Variants in PIK3CG observed in about 807,000 individuals in gnomAD.
PIK3CG encodes the protein phosphatidylinositol-4,5-bisphosphate 3-kinase catalytic subunit gamma, also known as phosphatidylinositol 4,5-bisphosphate 3-kinase catalytic subunit gamma isoform.
In PIK3CG, 55 loss-of-function variants were observed where a neutral mutation model predicts 102.3. That is an observed-to-expected ratio of 0.54 (90% CI 0.43 to 0.67). PIK3CG has a LOEUF of 0.67. PIK3CG is among the 30% of genes least tolerant of loss of function. PIK3CG has a pLI of 0.00. For synonymous variants in PIK3CG, 552 were observed against 540.0 expected (o/e 1.02, Z -0.31); for missense variants, 1,258 against 1,391.8 (o/e 0.90, Z 1.53).
At chr7:106,885,694 T>A (rs1791066244) in intron 9 of PIK3CG, among the ~76,000 whole-genome samples, 1 of 152,116 alleles carries the variant, frequency 6.6e-6, no homozygotes, top group Non-Finnish European at 1.5e-5. Flanking sequence ...TCAGATGAGC[T>A]TAGATACATT....
In PIK3CG at chr7:106,880,174, A is replaced by G. The variant is rs534676883; in HGVS notation, c.2538+509A>G. Among the ~76,000 whole-genome samples, 2 of 152,354 alleles carry G rather than the reference A, an allele frequency of 1.3e-5. No homozygotes were observed. Among genetic ancestry groups the G allele is most frequent in the Non-Finnish European group, 2.9e-5 (2 of 68,028 alleles). Reference sequence around the variant, plus strand: ...TGAAGTACTGTTAGGGCAGAAGGTGAATGGTCAATATATCAGTGCTAATTA... The same window carrying G: ...TGAAGTACTGTTAGGGCAGAAGGTGGATGGTCAATATATCAGTGCTAATTA... On this transcript the variant is annotated intron_variant, in intron 6 of 10. Coordinates refer to ENST00000496166, the MANE Select transcript of PIK3CG (RefSeq NM_001282426.2). This position sits in a 1 kb window ranked among gnomAD's most constrained non-coding sequence, Gnocchi z 4.2.
At chr7:106,889,456 T>C (rs1165737764) in intron 10 of PIK3CG, among the ~76,000 whole-genome samples, 1 of 152,218 alleles carries the variant, frequency 6.6e-6, no homozygotes, top group African/African-American at 2.4e-5. Flanking sequence ...ACCACATCTC[T>C]AAATTCTCCA....
Position 106,868,886 on chromosome 7 carries a change from C to T in PIK3CG, c.1325C>T (p.Ser442Phe), listed in dbSNP as rs17847825. The T allele has an allele frequency of 6.2e-7, 1 of 1,613,992 alleles. No homozygotes were observed. Among genetic ancestry groups the T allele is most frequent in the African/African-American group, 1.3e-5 (1 of 74,948 alleles). ...QIYCGKAPAL[S>F]SKASAESPSS... ...TACTGCGGTAAAGCTCCAGCACTGTCCAGCAAGGCCTCTGCAGAGTCCCCC... is the reference window on the plus strand; with the variant it reads ...TACTGCGGTAAAGCTCCAGCACTGTTCAGCAAGGCCTCTGCAGAGTCCCCC... The change falls in exon 2 of 11, where the codon TCC becomes TTC. Residue 442 changes from serine to phenylalanine, a missense_variant. Ser to Phe is a radical substitution (Grantham distance 155). This residue lies in a region of PIK3CG where 832 missense variants were observed against 787.5 expected (regional missense o/e 1.06). Transcript: ENST00000496166. The surrounding 1 kb of genome is among the most constrained non-coding windows in gnomAD (Gnocchi z 6.2).
chr7:106,902,250 G>A lies in PIK3CG; in HGVS notation c.3031-2859G>A, dbSNP rs1168388676. On this transcript the variant is annotated intron_variant, in intron 10 of 10. Coordinates refer to ENST00000496166, the MANE Select transcript of PIK3CG (RefSeq NM_001282426.2). This position sits in a 1 kb window ranked among gnomAD's most constrained non-coding sequence, Gnocchi z 4.3. Reference sequence around the variant, plus strand: ...GCCCAAGCCAGGGGTTTCCTGTCTTGTGTCAAGCAATGCGGGGGGTGTGTG... The same window carrying A: ...GCCCAAGCCAGGGGTTTCCTGTCTTATGTCAAGCAATGCGGGGGGTGTGTG... Among the ~76,000 whole-genome samples, 3 of 52,878 alleles carry A rather than the reference G, an allele frequency of 5.7e-5. No homozygotes were observed. The highest frequency in any genetic ancestry group is 1.4e-4 in the Non-Finnish European group (3 of 21,154). The allele number at this position is 52,878 out of a possible 152,430, so 34.7% of individuals were successfully genotyped here.
intron 2 of PIK3CG, among the ~76,000 whole-genome samples, chr7:106,870,764 G>A (rs1317859579): frequency 6.6e-6 from 1 of 152,150 alleles, no homozygotes; most frequent in East Asian, 1.9e-4. Flanking sequence ...ATTTTGGATA[G>A]CCTCAACTTA....
rs1215023682 is a variant in PIK3CG at position 106,908,914 on chromosome 7, C to T, written c.*3527C>T. ...CTTGTATTTTTAAGTGTTCTGTTGG[C>T]TTATTTTCTGTTTCATCCAACTCAA... On this transcript the variant is annotated 3_prime_UTR_variant, in exon 11 of 11. Coordinates refer to ENST00000496166, the MANE Select transcript of PIK3CG (RefSeq NM_001282426.2). This position sits in a 1 kb window ranked among gnomAD's most constrained non-coding sequence, Gnocchi z 4.1. 6.6e-6 allele frequency among the ~76,000 whole-genome samples: 1 copy of T among 152,130 alleles called. No individual in the cohort carries two copies. Among genetic ancestry groups the T allele is most frequent in the Non-Finnish European group, 1.5e-5 (1 of 68,012 alleles).
intron 10 of PIK3CG, among the ~76,000 whole-genome samples, chr7:106,900,927 C>A (rs1017869739): frequency 6.6e-6 from 1 of 152,178 alleles, no homozygotes; most frequent in Non-Finnish European, 1.5e-5. Flanking sequence ...GAGAGGTCCG[C>A]TGTTAGCCTG....
intron 5 of PIK3CG, among the ~76,000 whole-genome samples, chr7:106,875,399 A>G (rs1424479007): frequency 6.6e-6 from 1 of 151,936 alleles, no homozygotes; most frequent in Non-Finnish European, 1.5e-5. Flanking sequence ...AGTTTTGAGA[A>G]ATGTATACAA....
chr7:106,870,993 C>CCCCA (rs1790515353), intron 2 of PIK3CG, among the ~76,000 whole-genome samples: 1 of 152,116 alleles, frequency 6.6e-6, no homozygotes, highest in African/African-American at 2.4e-5. Context: ...CCAAGGCTAA[C>CCCCA]AGGAATTATT....
intron 10 of PIK3CG, among the ~76,000 whole-genome samples, chr7:106,898,606 G>A (rs1323663176): frequency 1.3e-5 from 2 of 152,186 alleles, no homozygotes; most frequent in Non-Finnish European, 2.9e-5. Flanking sequence ...TGGCTAGCCA[G>A]TTATCCCAGC....
intron 10 of PIK3CG, 64 bp downstream of exon 10, chr7:106,886,356 C>T (rs1329960948): frequency 1.9e-5 from 30 of 1,549,068 alleles, no homozygotes; most frequent in Admixed American, 1.2e-4. Flanking sequence ...TGCAGCACTC[C>T]GCAGCCTTCA....
Position 106,872,527 on chromosome 7 carries a change from C to A in PIK3CG, c.1996-10C>A, listed in dbSNP as rs1352408474. On this transcript the variant is annotated splice_polypyrimidine_tract_variant and intron_variant, in intron 2 of 10. Transcript: ENST00000496166. This position sits in a 1 kb window ranked among gnomAD's most constrained non-coding sequence, Gnocchi z 5.3. ...ACAGTCCTACAAATGCCAATGTGTT[C>A]TTCCTTTAGGCTGTGAAATTTGAAC... 6.2e-7 allele frequency: 1 copy of A among 1,610,392 alleles called. No individual in the cohort carries two copies. The highest frequency in any genetic ancestry group is 8.5e-7 in the Non-Finnish European group (1 of 1,176,568).
At chr7:106,888,422 A>G (rs1294241619) in intron 10 of PIK3CG, among the ~76,000 whole-genome samples, 1 of 152,186 alleles carries the variant, frequency 6.6e-6, no homozygotes, top group Admixed American at 6.5e-5. Context: ...GTTTCAAAAT[A>G]TGCTTTCACA....
chr7:106,871,665 G>C (rs1234585027), intron 2 of PIK3CG, among the ~76,000 whole-genome samples: 7 of 21,772 alleles, frequency 3.2e-4, no homozygotes, highest in African/African-American at 7.1e-4. Context: ...ATAATAATCT[G>C]AACAATGTTA....
rs2116462396 is a variant in PIK3CG, at chr7:106,869,300, A to G, written c.1739A>G (p.Tyr580Cys). Reference sequence around the variant, plus strand: ...AAAGAATTGCTCTGGCATTTTAGATACGAAAGCCTTAAGCACCCAAAAGCA... The same window carrying G: ...AAAGAATTGCTCTGGCATTTTAGATGCGAAAGCCTTAAGCACCCAAAAGCA... ...EDKELLWHFR[Y>C]ESLKHPKAYP... Residue 580 changes from tyrosine (Y) to cysteine (C), a missense_variant, in exon 2 of 11, where the codon TAC becomes TGC. Tyr to Cys is a radical substitution (Grantham distance 194). Transcript: ENST00000496166. The surrounding 1 kb of genome is among the most constrained non-coding windows in gnomAD (Gnocchi z 5.3). The G allele has an allele frequency of 6.2e-7, 1 of 1,614,250 alleles. No homozygotes were observed. The highest frequency in any genetic ancestry group is 8.5e-7 in the Non-Finnish European group (1 of 1,180,036).
chr7:106,875,995 A>C (rs1207786689), intron 5 of PIK3CG, among the ~76,000 whole-genome samples: 38 of 148,264 alleles, frequency 2.6e-4, no homozygotes, highest in African/African-American at 9.0e-4. Context: ...GCTCACTGCA[A>C]GCTCCGCTTC....
rs1791039763 is a variant in PIK3CG, at chr7:106,884,847, A to AGCCAC, written c.2872+581_2872+582insGCCAC. ...CAGTGAAACCTCTCTGCTAATGTTA[A>AGCCAC]TCTGTATTTACAGCCACTGCCCAGT... On this transcript the variant is annotated intron_variant, in intron 9 of 10. Coordinates refer to ENST00000496166, the MANE Select transcript of PIK3CG (RefSeq NM_001282426.2). The surrounding 1 kb of genome is among the most constrained non-coding windows in gnomAD (Gnocchi z 4.2). Among the ~76,000 whole-genome samples, 1 of 152,110 alleles carries AGCCAC rather than the reference A, an allele frequency of 6.6e-6. No individual in the cohort carries two copies. The highest frequency in any genetic ancestry group is 1.5e-5 in the Non-Finnish European group (1 of 68,024).
intron 10 of PIK3CG, among the ~76,000 whole-genome samples, chr7:106,888,965 T>C (rs1162357659): frequency 6.6e-6 from 1 of 152,256 alleles, no homozygotes; most frequent in Non-Finnish European, 1.5e-5. Context: ...ATATTCAGAA[T>C]GCTTAGCCCA....
In PIK3CG at chr7:106,868,239, C is replaced by T. The variant is rs1238803733; in HGVS notation, c.678C>T (p.Arg226=). 6.2e-7 allele frequency: 1 copy of T among 1,612,976 alleles called. No homozygotes were observed. The highest frequency in any genetic ancestry group is 8.5e-7 in the Non-Finnish European group (1 of 1,180,030). ...ACTGCATCTTCATCGTCATTCACCG[C>T]AGCACCACCAGCCAGACCATTAAGG... is the stretch of plus-strand genomic sequence containing the variant. ...ANNCIFIVIH[R]STTSQTIKVS... Residue 226 remains arginine (R), a synonymous_variant, in exon 2 of 11, where the codon CGC becomes CGT. Transcript: ENST00000496166. The surrounding 1 kb of genome is among the most constrained non-coding windows in gnomAD (Gnocchi z 6.2).
Sources: gnomAD v4.1 joint callset for allele counts (sites outside exome capture counted in the v4.1 genomes callset) on GRCh38, gnomAD v4.1.1 for gene constraint, gnomAD v4.1.1 regional missense constraint, Gnocchi (gnomAD v3.1) non-coding constraint, MANE v1.5 for transcripts, NCBI Gene and HGNC (gene_info 2026-07-23, HGNC 2026-07-21) for gene names.